PHYH: variants seen among roughly 807,000 people sequenced by gnomAD.
PHYH encodes the protein phytanoyl-CoA dioxygenase, peroxisomal.
PHYH carries 32 observed loss-of-function variants against 38.5 expected under a neutral mutation model. The observed-to-expected ratio is 0.83, with a 90% CI of 0.63 to 1.12. The LOEUF (loss-of-function observed/expected upper bound fraction) is 1.12. Among genes scored for constraint, PHYH ranks in the 50% most tolerant of loss-of-function variants. PHYH has a pLI of 0.00. For synonymous variants in PHYH, 166 were observed against 157.9 expected, an observed-to-expected ratio of 1.05 and a Z score of -0.38; for missense variants, 426 against 434.8, an observed-to-expected ratio of 0.98 and a Z score of 0.18.
At position 13,298,263 on chromosome 10, in the gene PHYH, G is replaced by A. The variant is rs545989425; in HGVS notation, c.76-18C>T. The A allele has an allele frequency of 5.1e-6, 8 of 1,554,182 alleles. No individual in the cohort carries two copies. In the East Asian group the frequency reaches 1.8e-4, roughly 35 times the overall value. ...TGAGCTACCTAGGATGTGAATTAAG[G>A]CAAATAAAGTAAAATATAGAAGGCC... On this transcript the variant is annotated intron_variant, in intron 1 of 8. Transcript: ENST00000263038.
chr10:13,282,607 AG>A (rs58102007), intron 7 of PHYH, among the ~76,000 whole-genome samples: 8,360 of 87,282 alleles, frequency 0.096, 514 homozygotes, highest in South Asian at 0.12. Context: ...AAAAAAAAAA[AG>A]AAAAAAGGAA....
At chr10:13,283,904 G>A (rs1835481327) in intron 6 of PHYH, 65 bp from the exon 7 acceptor site, 1 of 1,314,674 alleles carries the variant, frequency 7.6e-7, no homozygotes, top group East Asian at 2.3e-5. Context: ...ATTGTCAATG[G>A]TTCATCAGGG....
chr10:13,294,228 C>T (rs1027645370), intron 4 of PHYH, among the ~76,000 whole-genome samples, 200 bp downstream of exon 4: 1 of 152,052 alleles, frequency 6.6e-6, no homozygotes, highest in Non-Finnish European at 1.5e-5. Context: ...ATAAAACCCA[C>T]TGATTTTACT....
chr10:13,286,269 G>A (rs923251283), intron 6 of PHYH, among the ~76,000 whole-genome samples: 9 of 152,004 alleles, frequency 5.9e-5, no homozygotes, highest in East Asian at 3.9e-4. Context: ...GCACCAGAAC[G>A]TGACATTACT....
chr10:13,294,591 T>C lies in PHYH; in HGVS notation c.251A>G (p.Glu84Gly). The change falls in exon 4 of 9, where the codon GAG becomes GGG. Residue 84 changes from glutamate (E) to glycine (G), a missense_variant. Coordinates refer to ENST00000263038, the MANE Select transcript of PHYH (RefSeq NM_006214.4). ...CTCCTTTCTGCAGATTTTTTCAAAC[T>C]CATTCCTAGAAAATTTAATTTGCAA... ...PDADIQRFRNEFEKICRKEVK... is the reference protein window; with the variant it reads ...PDADIQRFRNGFEKICRKEVK... 1 of 1,613,898 alleles carries C rather than the reference T, an allele frequency of 6.2e-7. No homozygotes were observed. The highest frequency in any genetic ancestry group is 8.5e-7 in the Non-Finnish European group (1 of 1,179,810).
chr10:13,293,457 A>G (rs1163301010), intron 4 of PHYH, among the ~76,000 whole-genome samples: 3 of 151,922 alleles, frequency 2.0e-5, no homozygotes, highest in Admixed American at 6.6e-5. Flanking sequence ...GCCCGCCACC[A>G]TGCCCAGCTA....
chr10:13,297,028 A>G (rs1191583124), intron 2 of PHYH, among the ~76,000 whole-genome samples: 4 of 151,802 alleles, frequency 2.6e-5, no homozygotes, highest in East Asian at 1.9e-4. Context: ...ATAAAATATT[A>G]TTACAATTAT....
intron 4 of PHYH, 145 bp downstream of exon 4, chr10:13,294,283 T>C: frequency 2.8e-6 from 2 of 726,518 alleles, no homozygotes; most frequent in Non-Finnish European, 4.9e-6. Context: ...CAGTGGTTCC[T>C]GGGATCAAGC....
chr10:13,288,367 T>C lies in PHYH; in HGVS notation c.671A>G (p.Lys224Arg), dbSNP rs997483861. Residue 224 changes from lysine to arginine, a missense_variant, in exon 6 of 9, where the codon AAG (lysine) becomes AGG (arginine). Transcript: ENST00000263038. Reference protein sequence around the residue: ...KGSLKPHDYPKWEGGVNKMFH... With the variant: ...KGSLKPHDYPRWEGGVNKMFH... ...GCCGCCGGGCAGACCTACCTCCCAC[T>C]TGGGGTAATCGTGGGGCTTCAGGGA... is the stretch of plus-strand genomic sequence containing the variant. 7 of 1,613,544 alleles carry C rather than the reference T, an allele frequency of 4.3e-6. No individual in the cohort carries two copies. The highest frequency in any genetic ancestry group is 4.5e-5 in the East Asian group (2 of 44,890).
chr10:13,294,630 C>A, intron 3 of PHYH, 34 bp from the exon 4 acceptor site: 1 of 1,604,168 alleles, frequency 6.2e-7, no homozygotes, highest in South Asian at 1.1e-5. Flanking sequence ...ATGTCGTTAC[C>A]GCTGGCTCCA....
At chr10:13,282,460 C>T (rs912186012) in intron 7 of PHYH, among the ~76,000 whole-genome samples, 7 of 151,642 alleles carry the variant, frequency 4.6e-5, no homozygotes, top group African/African-American at 1.7e-4. Flanking sequence ...GGCATAGTGG[C>T]GTGTGCCTGT....
At position 13,278,118 on chromosome 10, in the gene PHYH, T is replaced by C. The variant is rs1237757064; in HGVS notation, c.*183A>G. Reference sequence around the variant, plus strand: ...TAATATTTCACTTTTACTGTTTTTTTTTTCCATTAAAGCAACACCATTGTG... The same window carrying C: ...TAATATTTCACTTTTACTGTTTTTTCTTTCCATTAAAGCAACACCATTGTG... On this transcript the variant is annotated 3_prime_UTR_variant, in exon 9 of 9. Coordinates refer to ENST00000263038, the MANE Select transcript of PHYH (RefSeq NM_006214.4). 5.0e-6 allele frequency: 3 copies of C among 603,356 alleles called. No individual in the cohort carries two copies. The highest frequency in any genetic ancestry group is 1.9e-5 in the South Asian group (1 of 53,476). 37.4% of individuals were successfully genotyped at this position (603,356 alleles called of 1,614,324 possible).
intron 6 of PHYH, among the ~76,000 whole-genome samples, chr10:13,285,967 G>T (rs1212134262): frequency 6.6e-6 from 1 of 151,956 alleles, no homozygotes; most frequent in Non-Finnish European, 1.5e-5. Context: ...GAGTGCAGTG[G>T]CACCAACATA....
chr10:13,298,098 G>A, intron 2 of PHYH, 89 bp downstream of exon 2: 1 of 797,048 alleles, frequency 1.3e-6, no homozygotes, highest in East Asian at 2.7e-5. Context: ...ATTCTAATCA[G>A]GTAACATATT....
intron 5 of PHYH, among the ~76,000 whole-genome samples, chr10:13,289,490 C>T (rs1422356292): frequency 2.0e-5 from 3 of 152,164 alleles, no homozygotes; most frequent in South Asian, 2.1e-4. Flanking sequence ...CCACCACGCC[C>T]GGCCTTGTGC....
chr10:13,283,470 G>C (rs182894560), intron 7 of PHYH, among the ~76,000 whole-genome samples: 1 of 152,008 alleles, frequency 6.6e-6, no homozygotes, highest in East Asian at 1.9e-4. Context: ...AGGTCACCTG[G>C]CTTCTTACTG....
intron 8 of PHYH, among the ~76,000 whole-genome samples, chr10:13,280,119 C>T (rs1038943827): frequency 4.6e-5 from 7 of 152,040 alleles, no homozygotes; most frequent in Admixed American, 3.3e-4. Flanking sequence ...CAGGCATGTG[C>T]CACCAGACCC....
intron 8 of PHYH, 142 bp from the exon 9 acceptor site, chr10:13,278,496 C>A: frequency 1.5e-6 from 1 of 681,042 alleles, no homozygotes; most frequent in Non-Finnish European, 2.6e-6. Flanking sequence ...AAGTTATATT[C>A]ATTAGTAAAC....
rs777803032 is a variant in PHYH at position 13,291,812 on chromosome 10, T to C, written c.496+19A>G. ...ACATTTTAATGAAACCATTTTTTTT[T>C]CTTCTCCCTTACAATTACCAGAATC... On this transcript the variant is annotated intron_variant, in intron 5 of 8. Transcript: ENST00000263038. 4 of 1,551,380 alleles carry C rather than the reference T, an allele frequency of 2.6e-6. No individual in the cohort carries two copies. Among genetic ancestry groups the C allele is most frequent in the Non-Finnish European group, 3.6e-6 (4 of 1,124,104 alleles).
Sources: allele counts gnomAD v4.1 joint callset (sites outside exome capture counted in the v4.1 genomes callset), GRCh38; gene constraint gnomAD v4.1.1; transcripts MANE v1.5; gene names NCBI Gene and HGNC (gene_info 2026-07-23, HGNC 2026-07-21).